Variants in SNCB observed in about 807,000 individuals in gnomAD.
SNCB encodes beta-synuclein.
In SNCB, 8 loss-of-function variants were observed where a neutral mutation model predicts 20.0. The ratio of observed to expected loss-of-function variants is 0.40; its 90% CI spans 0.24 to 0.72. The LOEUF (loss-of-function observed/expected upper bound fraction) is 0.72, where lower values mean the gene tolerates loss of function less well. SNCB is among the 30% of genes least tolerant of loss of function. The pLI, the probability that SNCB is intolerant of heterozygous loss-of-function variation, is 0.37. For missense variants in SNCB, 125 were observed against 168.0 expected (o/e 0.74, Z 1.41); for synonymous variants, 56 against 65.4 (o/e 0.86, Z 0.69).
intron 2 of SNCB, among the ~76,000 whole-genome samples, chr5:176,628,431 C>T (rs1373122090): frequency 6.6e-6 from 1 of 152,160 alleles, no homozygotes; most frequent in African/African-American, 2.4e-5. Context: ...GTTTTTCTGT[C>T]CCCAGAGGCC....
At position 176,620,926 on chromosome 5, in the gene SNCB, G is replaced by A. The variant is rs1759545770; in HGVS notation, c.373-83C>T. On this transcript the variant is annotated intron_variant, in intron 5 of 5. Transcript: ENST00000393693. The surrounding 1 kb of genome is among the most constrained non-coding windows in gnomAD (Gnocchi z 4.5). The stretch of plus-strand genomic sequence containing the variant: ...ACCAAGTGGCCAAGCCCCGGCCCAA[G>A]AACCCTCTCCCTGAAGGAGGAATAG... 2 of 1,227,960 alleles carry A rather than the reference G, an allele frequency of 1.6e-6. No homozygotes were observed. The highest frequency in any genetic ancestry group is 3.0e-5 in the African/African-American group (2 of 67,366). 76.1% of individuals were successfully genotyped at this position (1,227,960 alleles called of 1,614,324 possible).
chr5:176,626,894 G>T lies in SNCB; in HGVS notation c.122-133C>A. 1.1e-6 allele frequency: 1 copy of T among 885,922 alleles called. No individual in the cohort carries two copies. The highest frequency in any genetic ancestry group is 1.9e-6 in the Non-Finnish European group (1 of 532,518). The allele number at this position is 885,922 out of a possible 1,614,324, so 54.9% of individuals were successfully genotyped here. On this transcript the variant is annotated intron_variant, in intron 2 of 5. Transcript: ENST00000393693. The surrounding 1 kb of genome is among the most constrained non-coding windows in gnomAD (Gnocchi z 4.2). The stretch of plus-strand genomic sequence containing the variant: ...CTTGGGTCCCCACATCCTACAACCT[G>T]CACCCCCATGTTAACCCCCGTCTTA...
In SNCB at chr5:176,626,817, C is replaced by T. The variant is rs766314946; in HGVS notation, c.122-56G>A. On this transcript the variant is annotated intron_variant, in intron 2 of 5. Transcript: ENST00000393693. This position sits in a 1 kb window ranked among gnomAD's most constrained non-coding sequence, Gnocchi z 4.2. ...ACTCTGCGCTGAGGGAACAGAAACT[C>T]CAGCACAGCATGGTGATTACAGAGT... 1.5e-5 allele frequency: 23 copies of T among 1,585,136 alleles called. No individual in the cohort carries two copies. The Admixed American group carries it at 3.2e-4, about 22-fold the overall frequency.
At chr5:176,627,408 C>T (rs1385496805) in intron 2 of SNCB, among the ~76,000 whole-genome samples, 1 of 152,226 alleles carries the variant, frequency 6.6e-6, no homozygotes, top group East Asian at 1.9e-4. Context: ...TAGGGGGTGT[C>T]AGGCTCAGGG....
In SNCB at chr5:176,629,823, C is replaced by A; in HGVS notation, c.-9-160G>T. ...CCCCATCCCACCCCACTCCCCAGTG[C>A]GAAGCCTCAGGGCCGCGGAGAGTCC... On this transcript the variant is annotated intron_variant, in intron 1 of 5. Transcript: ENST00000393693. This position sits in a 1 kb window ranked among gnomAD's most constrained non-coding sequence, Gnocchi z 4.1. 9.7e-7 allele frequency: 1 copy of A among 1,033,370 alleles called. No individual in the cohort carries two copies. The highest frequency in any genetic ancestry group is 1.4e-6 in the Non-Finnish European group (1 of 738,054). The allele number at this position is 1,033,370 out of a possible 1,614,324, so 64.0% of individuals were successfully genotyped here. A position where few individuals can be genotyped will look rare whatever the true frequency, so the allele number is the denominator to read the frequency against.
At chr5:176,628,969 G>C (rs2113415937) in intron 2 of SNCB, among the ~76,000 whole-genome samples, 1 of 152,300 alleles carries the variant, frequency 6.6e-6, no homozygotes, top group Non-Finnish European at 1.5e-5. Flanking sequence ...TTGTGATGCA[G>C]GTGGACCTGG....
intron 4 of SNCB, among the ~76,000 whole-genome samples, chr5:176,622,637 C>G (rs1759671878): frequency 1.3e-5 from 2 of 151,606 alleles, no homozygotes; most frequent in South Asian, 4.2e-4. Context: ...GAATGAAGAA[C>G]AACAATGCAT....
Position 176,620,387 on chromosome 5 carries a change from T to G in SNCB, c.*424A>C. ...GGACATGGCACAGCCTGGCTCCTGG[T>G]TTTGGTTAAAAAAAAAAAGGTTCTC... On this transcript the variant is annotated 3_prime_UTR_variant, in exon 6 of 6. Transcript: ENST00000393693. The surrounding 1 kb of genome is among the most constrained non-coding windows in gnomAD (Gnocchi z 4.5). 1.6e-5 allele frequency: 3 copies of G among 182,276 alleles called. No homozygotes were observed. The highest frequency in any genetic ancestry group is 3.4e-5 in the Non-Finnish European group (3 of 87,318). The allele number at this position is 182,276 out of a possible 1,614,324, so 11.3% of individuals were successfully genotyped here. A position where few individuals can be genotyped will look rare whatever the true frequency, so the allele number is the denominator to read the frequency against.
In SNCB at chr5:176,626,809, C is replaced by G. The variant is rs754233189; in HGVS notation, c.122-48G>C. The G allele has an allele frequency of 3.8e-6, 6 of 1,599,510 alleles. No homozygotes were observed. The highest frequency in any genetic ancestry group is 4.5e-5 in the East Asian group (2 of 44,784). Reference sequence around the variant, plus strand: ...ATTTAAGGACTCTGCGCTGAGGGAACAGAAACTCCAGCACAGCATGGTGAT... The same window carrying G: ...ATTTAAGGACTCTGCGCTGAGGGAAGAGAAACTCCAGCACAGCATGGTGAT... On this transcript the variant is annotated intron_variant, in intron 2 of 5. Transcript: ENST00000393693. The surrounding 1 kb of genome is among the most constrained non-coding windows in gnomAD (Gnocchi z 4.2).
At chr5:176,623,958 T>C (rs1759771137) in intron 4 of SNCB, among the ~76,000 whole-genome samples, 1 of 152,204 alleles carries the variant, frequency 6.6e-6, no homozygotes, top group African/African-American at 2.4e-5. Context: ...GATTCCGTGA[T>C]GATGGATGGA....
intron 4 of SNCB, among the ~76,000 whole-genome samples, chr5:176,624,598 C>T (rs1581169902): frequency 1.3e-5 from 2 of 152,106 alleles, no homozygotes; most frequent in East Asian, 1.9e-4. Context: ...GTCAGGAGTT[C>T]GAGACCAGCC....
chr5:176,626,154 C>T lies in SNCB; in HGVS notation c.282+244G>A, dbSNP rs1349502796. On this transcript the variant is annotated intron_variant, in intron 4 of 5. Transcript: ENST00000393693. The surrounding 1 kb of genome is among the most constrained non-coding windows in gnomAD (Gnocchi z 4.2). ...GGGTCACGCTGGCAAGCAGGATACA[C>T]GCAGACAGCCAGGTCTGGGTCCCCA... Among the ~76,000 whole-genome samples the T allele has an allele frequency of 1.3e-5, 2 of 152,082 alleles. No homozygotes were observed. The highest frequency in any genetic ancestry group is 2.4e-5 in the African/African-American group (1 of 41,382).
In SNCB at chr5:176,629,020, G is replaced by A. The variant is rs1434560293; in HGVS notation, c.121+514C>T. ...GGCCTTGGAGGTGCTGGAGGGAGGC[G>A]CCACAAGGGGAGGGGTGGGGCTTCA... On this transcript the variant is annotated intron_variant, in intron 2 of 5. Coordinates refer to ENST00000393693, the MANE Select transcript of SNCB (RefSeq NM_003085.5). The surrounding 1 kb of genome is among the most constrained non-coding windows in gnomAD (Gnocchi z 4.1). Among the ~76,000 whole-genome samples the A allele has an allele frequency of 5.9e-5, 9 of 152,128 alleles. No individual in the cohort carries two copies. The highest frequency in any genetic ancestry group is 1.2e-4 in the African/African-American group (5 of 41,484).
At chr5:176,623,495 G>A (rs1039485505) in intron 4 of SNCB, among the ~76,000 whole-genome samples, 4 of 151,994 alleles carry the variant, frequency 2.6e-5, no homozygotes, top group East Asian at 3.9e-4. Context: ...CCTGGCCTCC[G>A]TCTCCTGGCC....
At chr5:176,627,435 G>C (rs1176311008) in intron 2 of SNCB, among the ~76,000 whole-genome samples, 1 of 152,260 alleles carries the variant, frequency 6.6e-6, no homozygotes, top group African/African-American at 2.4e-5. Flanking sequence ...TAAAGGTGAT[G>C]TGCAGATTGT....
intron 4 of SNCB, among the ~76,000 whole-genome samples, chr5:176,624,872 G>A (rs1759846262): frequency 6.6e-6 from 1 of 150,708 alleles, no homozygotes; most frequent in Admixed American, 6.6e-5. Context: ...GACAGGGCTT[G>A]AACTAGAACT....
chr5:176,620,257 ACCC>A lies in SNCB; in HGVS notation c.*551_*553del. 7.7e-6 allele frequency: 1 copy of A among 130,034 alleles called. No individual in the cohort carries two copies. The highest frequency in any genetic ancestry group is 7.4e-5 in the Admixed American group (1 of 13,492). 8.1% of individuals were successfully genotyped at this position (130,034 alleles called of 1,614,324 possible). A position where few individuals can be genotyped will look rare whatever the true frequency, so the allele number is the denominator to read the frequency against. ...TGGACTCTCGGGGGCGGCCGGGCCC[ACCC>A]GCCCGGGACACGCTCACATGGGGGG... On this transcript the variant is annotated 3_prime_UTR_variant, in exon 6 of 6. Coordinates refer to ENST00000393693, the MANE Select transcript of SNCB (RefSeq NM_003085.5). The surrounding 1 kb of genome is among the most constrained non-coding windows in gnomAD (Gnocchi z 4.5).
At position 176,629,681 on chromosome 5, in the gene SNCB, CG is replaced by C; in HGVS notation, c.-9-19del. On this transcript the variant is annotated intron_variant, in intron 1 of 5. Transcript: ENST00000393693. This position sits in a 1 kb window ranked among gnomAD's most constrained non-coding sequence, Gnocchi z 4.1. ...CTGGCGGCCTGGGGAGGGCGATACA[CG>C]GGCACCGGTGCACTGGCCCCGCACT... 1 of 1,610,722 alleles carries C rather than the reference CG, an allele frequency of 6.2e-7. No homozygotes were observed.
rs1007961724 is a variant in SNCB, at chr5:176,630,512, G to C, written c.-242C>G. 5 of 153,672 alleles carry C rather than the reference G, an allele frequency of 3.3e-5. No homozygotes were observed. Among genetic ancestry groups the C allele is most frequent in the Non-Finnish European group, 4.4e-5 (3 of 68,884 alleles). 9.5% of individuals were successfully genotyped at this position (153,672 alleles called of 1,614,324 possible). A position where few individuals can be genotyped will look rare whatever the true frequency, so the allele number is the denominator to read the frequency against. The stretch of plus-strand genomic sequence containing the variant: ...GCTCGCGCGCTCCGGCTCCGGCTCC[G>C]GCTCCGGCGCTGCGGCAGCTCTGAG... On this transcript the variant is annotated 5_prime_UTR_variant, in exon 1 of 6. Coordinates refer to ENST00000393693, the MANE Select transcript of SNCB (RefSeq NM_003085.5).
Sources: allele counts gnomAD v4.1 joint callset (sites outside exome capture counted in the v4.1 genomes callset), GRCh38; gene constraint gnomAD v4.1.1; non-coding constraint Gnocchi (gnomAD v3.1); transcripts MANE v1.5; gene names NCBI Gene and HGNC (gene_info 2026-07-23, HGNC 2026-07-21).